The following TCTA variants were observed in gnomAD, a reference collection of about 807,000 sequenced individuals.
TCTA encodes T cell leukemia translocation altered, also known as T-cell leukemia translocation-altered gene protein.
Under a neutral mutation model 13.5 loss-of-function variants are expected in TCTA, and 13 were observed. That is an observed-to-expected ratio of 0.96 (90% CI 0.63 to 1.53). The LOEUF (loss-of-function observed/expected upper bound fraction) is 1.53, where lower values mean the gene tolerates loss of function less well. Among genes scored for constraint, TCTA ranks in the 40% most tolerant of loss-of-function variants. The probability of loss-of-function intolerance (pLI) is 0.00; values close to 1 mark genes in which losing one functional copy is unlikely to be tolerated. For missense variants in TCTA, 138 were observed against 131.3 expected, an observed-to-expected ratio of 1.05 and a Z score of -0.25; for synonymous variants, 58 against 59.0, an observed-to-expected ratio of 0.98 and a Z score of 0.08.
Position 49,415,065 on chromosome 3 carries a change from G to A in TCTA, c.*203G>A. 1.7e-6 allele frequency: 1 copy of A among 591,996 alleles called. No homozygotes were observed. Among genetic ancestry groups the A allele is most frequent in the East Asian group, 2.9e-5 (1 of 34,578 alleles). The allele number at this position is 591,996 out of a possible 1,614,324, so 36.7% of individuals were successfully genotyped here. ...CACTGGGCAAGTGAAGAGTTTGCCT[G>A]TACTCTTATCTGGGTGCCTTAAGGA... is the stretch of plus-strand genomic sequence containing the variant. On this transcript the variant is annotated 3_prime_UTR_variant, in exon 3 of 3. Coordinates refer to ENST00000273590, the MANE Select transcript of TCTA (RefSeq NM_022171.3).
rs1410002340 is a variant in TCTA, at chr3:49,416,153, C to G, written c.*1291C>G. The G allele has an allele frequency of 6.5e-6, 1 of 154,086 alleles. No individual in the cohort carries two copies. Among genetic ancestry groups the G allele is most frequent in the African/African-American group, 2.4e-5 (1 of 41,444 alleles). 9.5% of individuals were successfully genotyped at this position (154,086 alleles called of 1,614,324 possible). A position where few individuals can be genotyped will look rare whatever the true frequency, so the allele number is the denominator to read the frequency against. On this transcript the variant is annotated 3_prime_UTR_variant, in exon 3 of 3. Transcript: ENST00000273590. ...TTCCAAAGATGTGGGTGGCAAATGC[C>G]CCTATAGAAACACCAGTACCTGAAA...
rs2048989529 is a variant in TCTA at position 49,415,021 on chromosome 3, G to A, written c.*159G>A. On this transcript the variant is annotated 3_prime_UTR_variant, in exon 3 of 3. Coordinates refer to ENST00000273590, the MANE Select transcript of TCTA (RefSeq NM_022171.3). ...GGGCTGGGCCTCTTCTGCCTCTTAA[G>A]CCTGCTCCCTCACCCAGGCACTGGG... is the stretch of plus-strand genomic sequence containing the variant. 1 of 777,012 alleles carries A rather than the reference G, an allele frequency of 1.3e-6. No individual in the cohort carries two copies. The highest frequency in any genetic ancestry group is 2.1e-6 in the Non-Finnish European group (1 of 482,958). 48.1% of individuals were successfully genotyped at this position (777,012 alleles called of 1,614,324 possible).
At chr3:49,414,294 G>A (rs916504648) in intron 2 of TCTA, among the ~76,000 whole-genome samples, 1 of 151,966 alleles carries the variant, frequency 6.6e-6, no homozygotes, top group African/African-American at 2.4e-5. Flanking sequence ...AGCACTTTGG[G>A]AGACTGAGGA....
intron 2 of TCTA, among the ~76,000 whole-genome samples, chr3:49,413,622 G>A (rs2048976768): frequency 6.6e-6 from 1 of 152,096 alleles, no homozygotes; most frequent in Admixed American, 6.6e-5. Flanking sequence ...ATGGGGCAAG[G>A]GTGGTCAGGG....
Position 49,415,893 on chromosome 3 carries a change from A to G in TCTA, c.*1031A>G, listed in dbSNP as rs1347778535. The G allele has an allele frequency of 1.3e-5, 2 of 152,278 alleles. No homozygotes were observed. The highest frequency in any genetic ancestry group is 4.8e-5 in the African/African-American group (2 of 41,444). 9.4% of individuals were successfully genotyped at this position (152,278 alleles called of 1,614,324 possible). A position where few individuals can be genotyped will look rare whatever the true frequency, so the allele number is the denominator to read the frequency against. ...TGAAGGACAGCTGAACCCCTGGGGT[A>G]GCCTCCTATCCACCACTGCTTAAGT... On this transcript the variant is annotated 3_prime_UTR_variant, in exon 3 of 3. Coordinates refer to ENST00000273590, the MANE Select transcript of TCTA (RefSeq NM_022171.3).
intron 2 of TCTA, chr3:49,413,389 A>C: frequency 2.1e-6 from 1 of 469,978 alleles, no homozygotes; most frequent in Non-Finnish European, 3.9e-6. Flanking sequence ...CACTCTGCAC[A>C]ATCCCCTCAG....
At chr3:49,414,727 C>T (rs2048986225) in intron 2 of TCTA, 93 bp from the exon 3 acceptor site, 2 of 1,498,312 alleles carry the variant, frequency 1.3e-6, no homozygotes, top group South Asian at 1.2e-5. Flanking sequence ...GAGCCTAGCT[C>T]AGCCCCCAAG....
At chr3:49,413,996 T>C (rs2107925280) in intron 2 of TCTA, among the ~76,000 whole-genome samples, 1 of 152,252 alleles carries the variant, frequency 6.6e-6, no homozygotes, top group South Asian at 2.1e-4. Context: ...TCCCAGCACT[T>C]TGGGAGGCTG....
Position 49,412,530 on chromosome 3 carries a change from G to A in TCTA, c.104G>A (p.Arg35His). The A allele has an allele frequency of 6.2e-7, 1 of 1,614,268 alleles. No homozygotes were observed. The highest frequency in any genetic ancestry group is 8.5e-7 in the Non-Finnish European group (1 of 1,180,050). The change falls in exon 1 of 3, where the codon CGC (arginine) becomes CAC (histidine). Residue 35 changes from arginine (R) to histidine (H), a missense_variant. Arg to His is a conservative substitution (Grantham distance 29, BLOSUM62 0). Transcript: ENST00000273590. The stretch of plus-strand genomic sequence containing the variant: ...CGGGAGTGGGAGGCGCAGGACATGC[G>A]CGTGACCCTCTTCAAGCTGCTGCTG... ...FLREWEAQDM[R>H]VTLFKLLLLW...
chr3:49,412,585 C>T lies in TCTA; in HGVS notation c.159C>T (p.Ile53=). ...LLWLVLSLLG[I]QLAWGFYGNT... is the part of the protein sequence containing the mutation. ...GGTTGGTGTTAAGTCTCCTGGGCAT[C>T]CAGCTGGCGTGGGGGTTCTACGGGA... Residue 53 remains isoleucine, a synonymous_variant, in exon 1 of 3, where the codon ATC becomes ATT. Coordinates refer to ENST00000273590, the MANE Select transcript of TCTA (RefSeq NM_022171.3). 2 of 1,614,258 alleles carry T rather than the reference C, an allele frequency of 1.2e-6. No homozygotes were observed. The highest frequency in any genetic ancestry group is 1.7e-6 in the Non-Finnish European group (2 of 1,180,040).
At chr3:49,413,699 C>T (rs1230950624) in intron 2 of TCTA, among the ~76,000 whole-genome samples, 2 of 152,030 alleles carry the variant, frequency 1.3e-5, no homozygotes, top group Non-Finnish European at 2.9e-5. Flanking sequence ...GTGTACCAAG[C>T]AAAGGGAATG....
chr3:49,414,564 A>G (rs2048985179), intron 2 of TCTA, among the ~76,000 whole-genome samples: 1 of 152,178 alleles, frequency 6.6e-6, no homozygotes, highest in African/African-American at 2.4e-5. Context: ...CAATAGTAAT[A>G]AATAAAAAGA....
chr3:49,413,119 ATC>A lies in TCTA; in HGVS notation c.269+11_269+12del. The A allele has an allele frequency of 6.2e-7, 1 of 1,614,044 alleles. No homozygotes were observed. The highest frequency in any genetic ancestry group is 1.3e-5 in the African/African-American group (1 of 74,998). On this transcript the variant is annotated intron_variant, in intron 2 of 2. Coordinates refer to ENST00000273590, the MANE Select transcript of TCTA (RefSeq NM_022171.3). ...ACGCATTTCCCTTCGTGGTGAGTAAATCTGTCCATACCGCAACCCCATGCTTG... is the reference window on the plus strand; with the variant it reads ...ACGCATTTCCCTTCGTGGTGAGTAAATGTCCATACCGCAACCCCATGCTTG...
rs1041084284 is a variant in TCTA, at chr3:49,416,167, C to T, written c.*1305C>T. 1.9e-5 allele frequency: 3 copies of T among 155,352 alleles called. No homozygotes were observed. The highest frequency in any genetic ancestry group is 7.2e-5 in the African/African-American group (3 of 41,452). The allele number at this position is 155,352 out of a possible 1,614,324, so 9.6% of individuals were successfully genotyped here. A position where few individuals can be genotyped will look rare whatever the true frequency, so the allele number is the denominator to read the frequency against. Reference sequence around the variant, plus strand: ...GTGGCAAATGCCCCTATAGAAACACCAGTACCTGAAAGCACTGTAGCCCTG... The same window carrying T: ...GTGGCAAATGCCCCTATAGAAACACTAGTACCTGAAAGCACTGTAGCCCTG... On this transcript the variant is annotated 3_prime_UTR_variant, in exon 3 of 3. Transcript: ENST00000273590.
chr3:49,416,020 T>C lies in TCTA; in HGVS notation c.*1158T>C, dbSNP rs2048996855. 6.6e-6 allele frequency: 1 copy of C among 152,590 alleles called. No individual in the cohort carries two copies. The highest frequency in any genetic ancestry group is 2.4e-5 in the African/African-American group (1 of 41,428). The allele number at this position is 152,590 out of a possible 1,614,324, so 9.5% of individuals were successfully genotyped here. On this transcript the variant is annotated 3_prime_UTR_variant, in exon 3 of 3. Coordinates refer to ENST00000273590, the MANE Select transcript of TCTA (RefSeq NM_022171.3). ...TAGCCTGCAGCCTCATCATTTCCCATCTGGACCTGGTACAAATGCACGTCA... is the reference window on the plus strand; with the variant it reads ...TAGCCTGCAGCCTCATCATTTCCCACCTGGACCTGGTACAAATGCACGTCA...
At position 49,412,651 on chromosome 3, in the gene TCTA, C is replaced by G. The variant is rs762108083; in HGVS notation, c.214+11C>G. 3.8e-5 allele frequency: 62 copies of G among 1,611,414 alleles called. 4 individuals carry two copies. The South Asian group carries it at 6.7e-4, about 17-fold the overall frequency. The stretch of plus-strand genomic sequence containing the variant: ...TGTATCACCGTCCAGGTGAGGCTTC[C>G]TACGAACCTCCGTGGGCTGGCCGCC... On this transcript the variant is annotated intron_variant, in intron 1 of 2. Coordinates refer to ENST00000273590, the MANE Select transcript of TCTA (RefSeq NM_022171.3).
chr3:49,414,762 A>C (rs1229139798), intron 2 of TCTA, 58 bp from the exon 3 acceptor site: 1 of 1,609,084 alleles, frequency 6.2e-7, no homozygotes, highest in East Asian at 2.2e-5. Flanking sequence ...AGCCAATTTC[A>C]GCAACTGTTC....
chr3:49,412,534 G>A lies in TCTA; in HGVS notation c.108G>A (p.Val36=). Residue 36 remains valine, a synonymous_variant, in exon 1 of 3, where the codon GTG becomes GTA. Transcript: ENST00000273590. ...LREWEAQDMR[V]TLFKLLLLWL... is the part of the protein sequence containing the mutation. ...AGTGGGAGGCGCAGGACATGCGCGT[G>A]ACCCTCTTCAAGCTGCTGCTGCTGT... 2 of 1,614,274 alleles carry A rather than the reference G, an allele frequency of 1.2e-6. No individual in the cohort carries two copies. Among genetic ancestry groups the A allele is most frequent in the African/African-American group, 2.7e-5 (2 of 75,080 alleles).
chr3:49,414,190 C>T (rs2048982267), intron 2 of TCTA, among the ~76,000 whole-genome samples: 1 of 149,356 alleles, frequency 6.7e-6, no homozygotes, highest in South Asian at 2.1e-4. Context: ...GCAGTGAGCC[C>T]AGATCACGCC....
Sources: allele counts gnomAD v4.1 joint callset (sites outside exome capture counted in the v4.1 genomes callset), GRCh38; gene constraint gnomAD v4.1.1; transcripts MANE v1.5; gene names NCBI Gene and HGNC (gene_info 2026-07-23, HGNC 2026-07-21).